EVC2: variants seen among roughly 807,000 people sequenced by gnomAD.
The protein encoded by EVC2 is EvC ciliary complex subunit 2.
EVC2 carries 148 observed loss-of-function variants against 149.3 expected under a neutral mutation model. The ratio of observed to expected loss-of-function variants is 0.99; its 90% confidence interval spans 0.87 to 1.14. EVC2 has a LOEUF of 1.14. Among genes scored for constraint, EVC2 ranks in the 50% most tolerant of loss-of-function variants. EVC2 has a pLI of 0.00. For missense variants in EVC2, 1,854 were observed against 1,627.3 expected, an observed-to-expected ratio of 1.14 and a Z score of -2.40; for synonymous variants, 776 against 649.9, an observed-to-expected ratio of 1.19 and a Z score of -2.95.
chr4:5,529,973 G>A, the EVC2 span, among the ~76,000 whole-genome samples: 629 of 152,006 alleles, frequency 4.1e-3, 6 homozygotes, highest in African/African-American at 0.013. The surrounding 1 kb of genome is among the most constrained non-coding windows in gnomAD (Gnocchi z 4.5). Flanking sequence ...CCACCACTAC[G>A]CCTGGCTAAT....
At chr4:5,559,891 T>G (rs962610081), downstream of EVC2, among the ~76,000 whole-genome samples, 1 of 152,082 alleles carries the variant, frequency 6.6e-6, no homozygotes, top group African/African-American at 2.4e-5. This position sits in a 1 kb window ranked among gnomAD's most constrained non-coding sequence, Gnocchi z 5.0. Flanking sequence ...ATGTCCCCAT[T>G]CCTTAAATGT....
At chr4:5,632,745 A>T (rs1716640926) in intron 10 of EVC2, among the ~76,000 whole-genome samples, 1 of 152,122 alleles carries the variant, frequency 6.6e-6, no homozygotes, top group African/African-American at 2.4e-5. Context: ...AATGAAAGGA[A>T]GCTCACCTCT....
At chr4:5,706,278 C>A (rs1210745254) in intron 1 of EVC2, among the ~76,000 whole-genome samples, 1 of 108,390 alleles carries the variant, frequency 9.2e-6, no homozygotes, top group African/African-American at 3.2e-5. Context: ...TGGGACTTAG[C>A]AAAGGTGCAA....
chr4:5,627,993 G>A (rs1461556389), intron 12 of EVC2, among the ~76,000 whole-genome samples: 1 of 152,104 alleles, frequency 6.6e-6, no homozygotes, highest in Non-Finnish European at 1.5e-5. Flanking sequence ...TCATTATACA[G>A]ACTATTGCAA....
chr4:5,622,931 C>T lies in EVC2; in HGVS notation c.2107G>A (p.Ala703Thr), dbSNP rs1381479998. The change falls in exon 14 of 22, where the codon GCC becomes ACC. Residue 703 changes from alanine to threonine, a missense_variant. Transcript: ENST00000344408. This position sits in a 1 kb window ranked among gnomAD's most constrained non-coding sequence, Gnocchi z 5.8. ...VGEAFRTVEDAGQYLHQKRSL... is the reference protein window; with the variant it reads ...VGEAFRTVEDTGQYLHQKRSL... Reference sequence around the variant, plus strand: ...CTCTTCTGGTGCAGGTACTGGCCGGCATCCTCAACCGTTCGGAAGGCCTCG... The same window carrying T: ...CTCTTCTGGTGCAGGTACTGGCCGGTATCCTCAACCGTTCGGAAGGCCTCG... The T allele has an allele frequency of 1.2e-6, 2 of 1,614,180 alleles. No individual in the cohort carries two copies. The highest frequency in any genetic ancestry group is 8.5e-7 in the Non-Finnish European group (1 of 1,180,034).
intron 16 of EVC2, among the ~76,000 whole-genome samples, chr4:5,595,266 T>A (rs1301423236): frequency 6.6e-6 from 1 of 151,930 alleles, no homozygotes; most frequent in African/African-American, 2.4e-5. Flanking sequence ...CACATAATTG[T>A]CAGATTCACC....
At chr4:5,546,678 C>T (rs1256810314) in intron 21 of EVC2, among the ~76,000 whole-genome samples, 1 of 151,550 alleles carries the variant, frequency 6.6e-6, no homozygotes, top group African/African-American at 2.4e-5. Context: ...AACAAACCTG[C>T]ATGTTGTGCA....
At chr4:5,537,842 C>A (rs542034667), downstream of EVC2, among the ~76,000 whole-genome samples, 1 of 152,128 alleles carries the variant, frequency 6.6e-6, no homozygotes, top group South Asian at 2.1e-4. Flanking sequence ...GAAAAGAATT[C>A]TCAAGTCTAT....
At chr4:5,648,478 T>C (rs1191302532) in intron 9 of EVC2, among the ~76,000 whole-genome samples, 1 of 152,116 alleles carries the variant, frequency 6.6e-6, no homozygotes, top group Admixed American at 6.5e-5. Context: ...TGGTTTGCTG[T>C]GAAAGCACCT....
chr4:5,579,129 T>C (rs1711534980), intron 17 of EVC2, among the ~76,000 whole-genome samples: 1 of 152,086 alleles, frequency 6.6e-6, no homozygotes, highest in Non-Finnish European at 1.5e-5. Context: ...ATCACTTTTA[T>C]TTTTCAGAAA....
chr4:5,693,601 G>C (rs34884962), intron 3 of EVC2, among the ~76,000 whole-genome samples: 23,494 of 152,224 alleles, frequency 0.15, 2,274 homozygotes, highest in East Asian at 0.32. Flanking sequence ...AACCTCCCCA[G>C]CAGTGAGAAA....
intron 12 of EVC2, among the ~76,000 whole-genome samples, chr4:5,627,960 T>C (rs919473264): frequency 1.3e-5 from 2 of 152,124 alleles, no homozygotes; most frequent in African/African-American, 4.8e-5. Context: ...TGTAGCTACA[T>C]CAAAACTGGC....
At chr4:5,662,216 A>T (rs1340678462) in intron 9 of EVC2, among the ~76,000 whole-genome samples, 1 of 151,814 alleles carries the variant, frequency 6.6e-6, no homozygotes, top group Non-Finnish European at 1.5e-5. Context: ...AATCGTTTCC[A>T]CGCTTAATCA....
At position 5,612,525 on chromosome 4, in the gene EVC2, T is replaced by C. The variant is rs190884471; in HGVS notation, c.2829+2897A>G. The stretch of plus-strand genomic sequence containing the variant: ...TGCTCCCTGCTGCAAGGAGAATTAA[T>C]TGGAAGGAAGAGGGAACAAACAGGA... On this transcript the variant is annotated intron_variant, in intron 16 of 21. Transcript: ENST00000344408. Among the ~76,000 whole-genome samples, 14 of 152,108 alleles carry C rather than the reference T, an allele frequency of 9.2e-5. No individual in the cohort carries two copies. In the Middle Eastern group the frequency reaches 0.01, roughly 111 times the overall value.
chr4:5,542,621 C>T (rs1291543672), downstream of EVC2, among the ~76,000 whole-genome samples: 1 of 152,214 alleles, frequency 6.6e-6, no homozygotes, highest in Non-Finnish European at 1.5e-5. Flanking sequence ...CACCTACACA[C>T]TGGAGAGTCT....
intron 1 of EVC2, among the ~76,000 whole-genome samples, chr4:5,707,619 C>A (rs752839070): frequency 6.6e-6 from 1 of 152,186 alleles, no homozygotes; most frequent in Non-Finnish European, 1.5e-5. Context: ...GTGGTGGGAC[C>A]TGAAGCCAGG....
At chr4:5,668,263 T>TAAGCTAAGTTAGCTA (rs886511176) in intron 7 of EVC2, among the ~76,000 whole-genome samples, 3 of 152,204 alleles carry the variant, frequency 2.0e-5, no homozygotes, top group Non-Finnish European at 4.4e-5. Context: ...CCTTCTAGAC[T>TAAGCTAAGTTAGCTA]GTCAAAGCTA....
At chr4:5,554,091 C>T (rs564427593) in intron 21 of EVC2, among the ~76,000 whole-genome samples, 2 of 152,296 alleles carry the variant, frequency 1.3e-5, no homozygotes, top group East Asian at 3.9e-4. Flanking sequence ...CACGCCACTT[C>T]CAGTTTCAGT....
rs763600300 is a variant in EVC2, at chr4:5,622,835, C to T, written c.2203G>A (p.Asp735Asn). The T allele has an allele frequency of 4.3e-6, 7 of 1,614,004 alleles. No homozygotes were observed. Among genetic ancestry groups the T allele is most frequent in the Middle Eastern group, 1.6e-4 (1 of 6,062 alleles). Reference sequence around the variant, plus strand: ...AGCGAAAGGGTCAGGGTCCTGAGATCGTCCAGGGCGGCCTGGTCCAGACGC... The same window carrying T: ...AGCGAAAGGGTCAGGGTCCTGAGATTGTCCAGGGCGGCCTGGTCCAGACGC... ...QERLDQAALD[D>N]LRTLTLSLFE... The change falls in exon 14 of 22, where the codon GAT (aspartate) becomes AAT (asparagine). Residue 735 changes from aspartate to asparagine, a missense_variant. By Grantham distance (23) the Asp-to-Asn change is conservative. Transcript: ENST00000344408. The surrounding 1 kb of genome is among the most constrained non-coding windows in gnomAD (Gnocchi z 5.8).
Sources: gnomAD v4.1 joint callset for allele counts (sites outside exome capture counted in the v4.1 genomes callset) on GRCh38, gnomAD v4.1.1 for gene constraint, Gnocchi (gnomAD v3.1) non-coding constraint, MANE v1.5 for transcripts, NCBI Gene and HGNC (gene_info 2026-07-23, HGNC 2026-07-21) for gene names.